XKR6: variants seen among roughly 807,000 people sequenced by gnomAD.
The protein encoded by XKR6 is XK related 6, also known as XK-related protein 6.
XKR6 carries 22 observed loss-of-function variants against 56.7 expected under a neutral mutation model. The observed-to-expected ratio is 0.39, with a 90% CI of 0.28 to 0.55. The LOEUF (loss-of-function observed/expected upper bound fraction) is 0.55. XKR6 is among the 20% of genes least tolerant of loss of function. XKR6 has a pLI of 0.66. For synonymous variants in XKR6, 524 were observed against 387.8 expected, an observed-to-expected ratio of 1.35 and a Z score of -4.13; for missense variants, 852 against 889.0, an observed-to-expected ratio of 0.96 and a Z score of 0.53.
In XKR6 at chr8:11,200,908, G is replaced by A. The variant is rs1233479265; in HGVS notation, c.432C>T (p.Gly144=). 1.2e-6 allele frequency: 2 copies of A among 1,609,624 alleles called. No individual in the cohort carries two copies. Among genetic ancestry groups the A allele is most frequent in the Non-Finnish European group, 1.7e-6 (2 of 1,179,164 alleles). ...LALLVFFGDV[G]TDLWLALDYY... The stretch of plus-strand genomic sequence containing the variant: ...AGTCGAGGGCCAGCCACAGGTCGGT[G>A]CCCACGTCCCCGAAGAACACCAGCA... Residue 144 remains glycine, a synonymous_variant, in exon 1 of 3, where the codon GGC becomes GGT. Coordinates refer to ENST00000416569, the MANE Select transcript of XKR6 (RefSeq NM_173683.4). This position sits in a 1 kb window ranked among gnomAD's most constrained non-coding sequence, Gnocchi z 6.4.
At chr8:11,104,507 C>T (rs1563138865) in intron 1 of XKR6, among the ~76,000 whole-genome samples, 1 of 152,272 alleles carries the variant, frequency 6.6e-6, no homozygotes, top group Non-Finnish European at 1.5e-5. Context: ...GCAATCGCCA[C>T]ACAGCCCGAA....
chr8:11,028,541 T>C (rs1027616574), intron 1 of XKR6, among the ~76,000 whole-genome samples: 4 of 152,184 alleles, frequency 2.6e-5, no homozygotes, highest in African/African-American at 9.7e-5. Context: ...TATTTTGAGT[T>C]CCCACCAGCA....
rs186286041 is a variant in XKR6 at position 11,045,180 on chromosome 8, G to A, written c.765-120350C>T. 6.6e-4 allele frequency among the ~76,000 whole-genome samples: 95 copies of A among 144,204 alleles called. No homozygotes were observed. The Middle Eastern group carries it at 0.011, about 16-fold the overall frequency. 94.6% of individuals were successfully genotyped at this position (144,204 alleles called of 152,430 possible). A position where few individuals can be genotyped will look rare whatever the true frequency, so the allele number is the denominator to read the frequency against. ...CAGCTCATTGCAACCTCTGCCTCCA[G>A]GTTCAAGTGATTCTCCTGCCTCAGC... On this transcript the variant is annotated intron_variant, in intron 1 of 2. Coordinates refer to ENST00000416569, the MANE Select transcript of XKR6 (RefSeq NM_173683.4).
chr8:10,950,196 C>A (rs972845710), intron 1 of XKR6, among the ~76,000 whole-genome samples: 1 of 151,092 alleles, frequency 6.6e-6, no homozygotes, highest in African/African-American at 2.4e-5. Context: ...CGCAGGCCAG[C>A]AGCCCTCACC....
chr8:10,911,265 G>C (rs1341982511), intron 2 of XKR6, among the ~76,000 whole-genome samples: 8 of 139,652 alleles, frequency 5.7e-5, no homozygotes, highest in Non-Finnish European at 1.1e-4. Context: ...GACAGAATAT[G>C]TATATATATA....
intron 1 of XKR6, among the ~76,000 whole-genome samples, chr8:11,176,373 T>C (rs1202687184): frequency 6.6e-6 from 1 of 152,110 alleles, no homozygotes; most frequent in Non-Finnish European, 1.5e-5. Flanking sequence ...AAATGGTAAA[T>C]GAAGATCTGT....
intron 1 of XKR6, among the ~76,000 whole-genome samples, chr8:11,162,245 C>T (rs1339907180): frequency 2.0e-5 from 3 of 152,230 alleles, no homozygotes; most frequent in African/African-American, 7.2e-5. Flanking sequence ...GGTTGCTGCC[C>T]GTGGGCTGTT....
At chr8:11,079,878 G>T (rs560686366) in intron 1 of XKR6, among the ~76,000 whole-genome samples, 6 of 152,176 alleles carry the variant, frequency 3.9e-5, no homozygotes, top group African/African-American at 1.4e-4. Flanking sequence ...GAGGCAGGAG[G>T]ATCACTTGAA....
Position 11,191,527 on chromosome 8 carries a change from A to G in XKR6, c.764+9049T>C, listed in dbSNP as rs1585038976. Among the ~76,000 whole-genome samples, 3 of 152,206 alleles carry G rather than the reference A, an allele frequency of 2.0e-5. No individual in the cohort carries two copies. The East Asian group carries it at 5.8e-4, about 29-fold the overall frequency. On this transcript the variant is annotated intron_variant, in intron 1 of 2. Transcript: ENST00000416569. Reference sequence around the variant, plus strand: ...TACTGATATGATGCCAACATGAAGAAAGCAGTACTTCTGACAAAAATTTGT... The same window carrying G: ...TACTGATATGATGCCAACATGAAGAGAGCAGTACTTCTGACAAAAATTTGT...
chr8:11,169,727 CTG>C (rs1268582661), intron 1 of XKR6, among the ~76,000 whole-genome samples: 7 of 152,172 alleles, frequency 4.6e-5, no homozygotes, highest in African/African-American at 1.7e-4. Context: ...TTGCACAACA[CTG>C]TGAATCTACC....
At chr8:11,123,497 C>T (rs1386273882) in intron 1 of XKR6, 2 of 212,258 alleles carry the variant, frequency 9.4e-6, no homozygotes, top group Non-Finnish European at 1.9e-5. Context: ...ACCTTCAAGA[C>T]CAGCTGCTAC....
intron 1 of XKR6, among the ~76,000 whole-genome samples, chr8:11,020,250 T>C (rs1376635711): frequency 6.6e-6 from 1 of 152,158 alleles, no homozygotes; most frequent in Non-Finnish European, 1.5e-5. Context: ...AGAGTTCATA[T>C]GATTTCAGTG....
At chr8:10,981,338 C>T (rs116176548) in intron 1 of XKR6, among the ~76,000 whole-genome samples, 3,156 of 152,244 alleles carry the variant, frequency 0.021, 114 homozygotes, top group African/African-American at 0.071. Context: ...ATGCACTGCA[C>T]GTTCCAGGTG....
intron 1 of XKR6, among the ~76,000 whole-genome samples, chr8:11,114,793 G>C (rs1022356414): frequency 1.3e-5 from 2 of 148,242 alleles, no homozygotes; most frequent in Admixed American, 6.7e-5. Context: ...GGGCAAGAAA[G>C]GTCAGTGTAA....
At chr8:10,921,172 C>A (rs1205271502) in intron 2 of XKR6, among the ~76,000 whole-genome samples, 1 of 152,264 alleles carries the variant, frequency 6.6e-6, no homozygotes, top group East Asian at 1.9e-4. Context: ...CCTTGGGAAT[C>A]CCCACTGGCT....
intron 1 of XKR6, among the ~76,000 whole-genome samples, chr8:10,983,970 A>G (rs964870658): frequency 6.6e-6 from 1 of 152,112 alleles, no homozygotes; most frequent in Non-Finnish European, 1.5e-5. Flanking sequence ...TATTCTTTTT[A>G]TAAAACTAGC....
At position 10,932,112 on chromosome 8, in the gene XKR6, T is replaced by A. The variant is rs549493539; in HGVS notation, c.765-7282A>T. ...AAGGGAGCTCAACGTTACAAGTAAA[T>A]AGGGAAATGTATATTAAAATCACAG... On this transcript the variant is annotated intron_variant, in intron 1 of 2. Transcript: ENST00000416569. 6.6e-5 allele frequency among the ~76,000 whole-genome samples: 10 copies of A among 152,120 alleles called. No individual in the cohort carries two copies. The East Asian group carries it at 1.7e-3, about 26-fold the overall frequency.
chr8:11,200,522 G>C lies in XKR6; in HGVS notation c.764+54C>G, dbSNP rs1804152610. The C allele has an allele frequency of 7.1e-7, 1 of 1,398,668 alleles. No individual in the cohort carries two copies. The highest frequency in any genetic ancestry group is 1.7e-5 in the South Asian group (1 of 59,218). The allele number at this position is 1,398,668 out of a possible 1,614,324, so 86.6% of individuals were successfully genotyped here. The stretch of plus-strand genomic sequence containing the variant: ...GGGGCCGCCCCGCGAAGCACCGGGA[G>C]GGCGGAGGGGGGCTCCTCAGGGCCG... On this transcript the variant is annotated intron_variant, in intron 1 of 2. Coordinates refer to ENST00000416569, the MANE Select transcript of XKR6 (RefSeq NM_173683.4). This position sits in a 1 kb window ranked among gnomAD's most constrained non-coding sequence, Gnocchi z 6.4.
chr8:11,159,008 GT>G (rs1363130040), intron 1 of XKR6, among the ~76,000 whole-genome samples: 1 of 152,174 alleles, frequency 6.6e-6, no homozygotes, highest in Non-Finnish European at 1.5e-5. Flanking sequence ...AAACTGCATG[GT>G]TCTGAAACCT....
Sources: gnomAD v4.1 joint callset for allele counts (sites outside exome capture counted in the v4.1 genomes callset) on GRCh38, gnomAD v4.1.1 for gene constraint, Gnocchi (gnomAD v3.1) non-coding constraint, MANE v1.5 for transcripts, NCBI Gene and HGNC (gene_info 2026-07-23, HGNC 2026-07-21) for gene names.